DOP1B: variants seen among roughly 807,000 people sequenced by gnomAD.
The protein encoded by DOP1B is protein DOP1B.
In DOP1B, 174 loss-of-function variants were observed where a neutral mutation model predicts 233.5. The observed-to-expected ratio is 0.75, with a 90% CI of 0.66 to 0.85. The LOEUF (loss-of-function observed/expected upper bound fraction) is 0.85. Ranked by LOEUF, DOP1B falls within the 40% of genes least tolerant of loss-of-function variation. DOP1B has a pLI of 0.00. For synonymous variants in DOP1B, 1,190 were observed against 1,185.6 expected (o/e 1.00, Z -0.08); for missense variants, 2,652 against 2,846.6 (o/e 0.93, Z 1.56).
chr21:36,217,549 C>A (rs2066574383), intron 9 of DOP1B, among the ~76,000 whole-genome samples: 1 of 152,164 alleles, frequency 6.6e-6, no homozygotes, highest in African/African-American at 2.4e-5. Flanking sequence ...GAAGTCCTAC[C>A]CGAGATGTTT....
intron 14 of DOP1B, among the ~76,000 whole-genome samples, chr21:36,231,920 A>T (rs1163328392): frequency 6.8e-6 from 1 of 147,244 alleles, no homozygotes; most frequent in Non-Finnish European, 1.5e-5. Flanking sequence ...ATCTTGGCTC[A>T]CTACAGCCTC....
chr21:36,280,654 G>T (rs534467936), intron 31 of DOP1B, among the ~76,000 whole-genome samples: 1 of 152,256 alleles, frequency 6.6e-6, no homozygotes, highest in African/African-American at 2.4e-5. Flanking sequence ...TTTACTAGGA[G>T]GACTTTTCTA....
Position 36,287,469 on chromosome 21 carries a change from G to A in DOP1B, c.6161-545G>A, listed in dbSNP as rs373766362. On this transcript the variant is annotated intron_variant, in intron 32 of 36. Coordinates refer to ENST00000691173, the MANE Select transcript of DOP1B (RefSeq NM_001320714.2). The stretch of plus-strand genomic sequence containing the variant: ...TCTTTCTACTCAGCTGTGGCAGGGG[G>A]ACGGCCTGTGGGAATCATTTCCTTA... Among the ~76,000 whole-genome samples, 5 of 152,144 alleles carry A rather than the reference G, an allele frequency of 3.3e-5. No homozygotes were observed. The South Asian group carries it at 6.2e-4, about 19-fold the overall frequency.
At chr21:36,197,721 T>A (rs2123465790) in intron 2 of DOP1B, among the ~76,000 whole-genome samples, 1 of 152,116 alleles carries the variant, frequency 6.6e-6, no homozygotes, top group South Asian at 2.1e-4. Flanking sequence ...TTAAGAAACG[T>A]GAACTTGGCC....
In DOP1B at chr21:36,200,521, A is replaced by T; in HGVS notation, c.491+20A>T. On this transcript the variant is annotated intron_variant, in intron 4 of 36. Coordinates refer to ENST00000691173, the MANE Select transcript of DOP1B (RefSeq NM_001320714.2). ...CGACAGGTGCGTGGGCGTCTTGTCC[A>T]GGCTGTGTTTACTCCACTGCTTTAT... is the stretch of plus-strand genomic sequence containing the variant. 1 of 1,588,948 alleles carries T rather than the reference A, an allele frequency of 6.3e-7. No homozygotes were observed. Among genetic ancestry groups the T allele is most frequent in the Non-Finnish European group, 8.5e-7 (1 of 1,170,012 alleles).
chr21:36,256,877 C>T (rs1351597459), intron 23 of DOP1B, among the ~76,000 whole-genome samples: 2 of 152,160 alleles, frequency 1.3e-5, no homozygotes, highest in Non-Finnish European at 2.9e-5. Flanking sequence ...CAATTGATTC[C>T]GCAGTGGACA....
At chr21:36,183,593 G>A (rs1366977395) in intron 2 of DOP1B, among the ~76,000 whole-genome samples, 1 of 152,226 alleles carries the variant, frequency 6.6e-6, no homozygotes, top group Non-Finnish European at 1.5e-5. Flanking sequence ...CTGGGAGCAG[G>A]ACGCCTACAG....
Position 36,284,957 on chromosome 21 carries a change from CAAT to C in DOP1B, c.6161-3055_6161-3053del, listed in dbSNP as rs147484738. 7.9e-3 allele frequency among the ~76,000 whole-genome samples: 1,187 copies of C among 150,550 alleles called. 17 individuals are homozygous for C. The highest frequency in any genetic ancestry group is 0.028 in the African/African-American group (1,142 of 41,130). ...TAATATTAAATATTATACTATATAA[CAAT>C]ATACTTGTTTATATTATATATTCAA... On this transcript the variant is annotated intron_variant, in intron 32 of 36. Coordinates refer to ENST00000691173, the MANE Select transcript of DOP1B (RefSeq NM_001320714.2).
At chr21:36,163,935 CAGAAAG>C (rs2065888443) in intron 1 of DOP1B, among the ~76,000 whole-genome samples, 1 of 152,146 alleles carries the variant, frequency 6.6e-6, no homozygotes, top group Admixed American at 6.6e-5. Context: ...TTGTTCTAGG[CAGAAAG>C]AGGAAGAAAG....
At position 36,177,222 on chromosome 21, in the gene DOP1B, A is replaced by C. The variant is rs1045495165; in HGVS notation, c.138+12351A>C. 8.5e-5 allele frequency among the ~76,000 whole-genome samples: 13 copies of C among 152,086 alleles called. 1 individual carries two copies. Among genetic ancestry groups the C allele is most frequent in the Non-Finnish European group, 1.8e-4 (12 of 68,026 alleles). On this transcript the variant is annotated intron_variant, in intron 2 of 36. Transcript: ENST00000691173. ...ATGTTGCAGCTTCACCCCTTACCCC[A>C]GGTTATCTGAAGGAGCTGAGGGTGT...
intron 18 of DOP1B, 117 bp downstream of exon 18, chr21:36,240,072 A>G: frequency 8.2e-7 from 1 of 1,219,688 alleles, no homozygotes; most frequent in Non-Finnish European, 1.1e-6. Flanking sequence ...TGCAAATGGT[A>G]CTTTGTAAAT....
intron 1 of DOP1B, among the ~76,000 whole-genome samples, chr21:36,158,357 G>A (rs2065839093): frequency 6.6e-6 from 1 of 152,184 alleles, no homozygotes; most frequent in South Asian, 2.1e-4. Flanking sequence ...GTAGCATAAT[G>A]TAGTGGAGAC....
chr21:36,237,265 G>T lies in DOP1B; in HGVS notation c.2626G>T (p.Val876Leu), dbSNP rs1033260604. 1.2e-6 allele frequency: 2 copies of T among 1,614,046 alleles called. No homozygotes were observed. Among genetic ancestry groups the T allele is most frequent in the Non-Finnish European group, 8.5e-7 (1 of 1,180,042 alleles). ...IAEKTDFYQR[V>L]ARVLWNQLNK... ...GCCTGCCTTTTCCTTGTCCCAGAGG[G>T]TGGCTCGTGTGCTTTGGAATCAGCT... Residue 876 changes from valine (V) to leucine (L), a missense_variant, in exon 16 of 37, where the codon GTG becomes TTG. Val to Leu is a conservative substitution (Grantham distance 32). Coordinates refer to ENST00000691173, the MANE Select transcript of DOP1B (RefSeq NM_001320714.2).
chr21:36,278,547 A>G (rs961979314), intron 30 of DOP1B, among the ~76,000 whole-genome samples, 192 bp downstream of exon 30: 62 of 152,164 alleles, frequency 4.1e-4, no homozygotes, highest in African/African-American at 1.4e-3. Flanking sequence ...TAAAGTACAA[A>G]GAGGAATATC....
At position 36,230,770 on chromosome 21, in the gene DOP1B, G is replaced by A. The variant is rs2066753463; in HGVS notation, c.1986G>A (p.Lys662=). The A allele has an allele frequency of 6.2e-7, 1 of 1,614,226 alleles. No individual in the cohort carries two copies. Among genetic ancestry groups the A allele is most frequent in the Non-Finnish European group, 8.5e-7 (1 of 1,180,046 alleles). Residue 662 remains lysine (K), a synonymous_variant, in exon 14 of 37, where the codon AAG becomes AAA. Coordinates refer to ENST00000691173, the MANE Select transcript of DOP1B (RefSeq NM_001320714.2). The part of the protein sequence containing the change: ...EESKSEEPAG[K]RDRDGTQSLA... ...GCAAGTCCGAGGAGCCTGCAGGGAAGAGGGACAGGGATGGGACGCAGAGCC... is the reference window on the plus strand; with the variant it reads ...GCAAGTCCGAGGAGCCTGCAGGGAAAAGGGACAGGGATGGGACGCAGAGCC...
intron 2 of DOP1B, among the ~76,000 whole-genome samples, chr21:36,184,781 C>T (rs374142025): frequency 1.3e-4 from 20 of 152,286 alleles, no homozygotes; most frequent in East Asian, 5.8e-4. Flanking sequence ...CTGCGGGCTG[C>T]GGGGAACAGG....
chr21:36,238,957 G>T (rs2066859250), intron 17 of DOP1B, among the ~76,000 whole-genome samples: 1 of 152,110 alleles, frequency 6.6e-6, no homozygotes, highest in African/African-American at 2.4e-5. Context: ...ACAAAAATTA[G>T]CTGGGCGTGG....
At chr21:36,291,443 C>T (rs1017572039) in intron 35 of DOP1B, among the ~76,000 whole-genome samples, 2 of 152,018 alleles carry the variant, frequency 1.3e-5, no homozygotes, top group African/African-American at 4.8e-5. Flanking sequence ...TGCCTGTAAT[C>T]CCAGCTACTC....
chr21:36,277,178 C>A, intron 28 of DOP1B, 78 bp downstream of exon 28: 1 of 1,486,510 alleles, frequency 6.7e-7, no homozygotes, highest in Non-Finnish European at 9.3e-7. Context: ...TTGTTCATTC[C>A]CAGGTGCCAG....
Sources: gnomAD v4.1 joint callset for allele counts (sites outside exome capture counted in the v4.1 genomes callset) on GRCh38, gnomAD v4.1.1 for gene constraint, MANE v1.5 for transcripts, NCBI Gene and HGNC (gene_info 2026-07-23, HGNC 2026-07-21) for gene names.